ERAP1: variants seen among roughly 807,000 people sequenced by gnomAD.
ERAP1 encodes endoplasmic reticulum aminopeptidase 1, also known as adipocyte-derived leucine aminopeptidase.
Under a neutral mutation model 103.7 loss-of-function variants are expected in ERAP1, and 86 were observed. The observed-to-expected ratio is 0.83, with a 90% confidence interval of 0.70 to 0.99. The LOEUF (loss-of-function observed/expected upper bound fraction) is 0.99, where lower values mean the gene tolerates loss of function less well. ERAP1 is among the 50% of genes least tolerant of loss of function. The probability of loss-of-function intolerance (pLI) is 0.00; values close to 1 mark genes in which losing one functional copy is unlikely to be tolerated. For synonymous variants in ERAP1, 398 were observed against 402.4 expected, an observed-to-expected ratio of 0.99 and a Z score of 0.13; for missense variants, 1,009 against 1,128.4, an observed-to-expected ratio of 0.89 and a Z score of 1.52.
chr5:96,932,041 G>GT, the ERAP1 span, among the ~76,000 whole-genome samples: 4 of 152,012 alleles, frequency 2.6e-5, no homozygotes, highest in Non-Finnish European at 5.9e-5. Context: ...ATTTGGCTGC[G>GT]TTTTTTTGCT....
At chr5:96,770,660 T>A, downstream of ERAP1, 1 of 1,163,362 alleles carries the variant, frequency 8.6e-7, no homozygotes, top group Middle Eastern at 1.9e-4. Context: ...GAGTAGGGTT[T>A]ATCATTTCAG....
chr5:96,829,068 A>G, the ERAP1 span, among the ~76,000 whole-genome samples: 40,159 of 152,034 alleles, frequency 0.26, 6,185 homozygotes, highest in East Asian at 0.45. Flanking sequence ...GGATGGTCTC[A>G]ATCTCCTGAC....
chr5:96,854,089 CT>C, the ERAP1 span, among the ~76,000 whole-genome samples: 1 of 152,068 alleles, frequency 6.6e-6, no homozygotes, highest in African/African-American at 2.4e-5. Flanking sequence ...ATTGCCTTCC[CT>C]CCCAAATCTT....
In ERAP1 at chr5:96,783,204, A is replaced by G. The variant is rs138598123; in HGVS notation, c.2132T>C (p.Ile711Thr). Residue 711 changes from isoleucine to threonine, a missense_variant, in exon 15 of 19, where the codon ATT (isoleucine) becomes ACT (threonine). Physicochemically the swap from Ile to Thr is moderately conservative, Grantham distance 89 (BLOSUM62 -1). Coordinates refer to ENST00000443439, the MANE Select transcript of ERAP1 (RefSeq NM_001040458.3). ...CTCGTCTGTCCATGTCTGCTTATCA[A>G]TGAGGTCCCTTAGCAGCCTGATGAG... ...AFLIRLLRDL[I>T]DKQTWTDEGS... The G allele has an allele frequency of 8.4e-5, 136 of 1,613,216 alleles. No individual in the cohort carries two copies. The highest frequency in any genetic ancestry group is 2.0e-4 in the East Asian group (9 of 44,862).
At chr5:96,790,392 A>G in intron 9 of ERAP1, 25 bp from the exon 10 acceptor site, 2 of 1,611,490 alleles carry the variant, frequency 1.2e-6, no homozygotes, top group Non-Finnish European at 1.7e-6. Flanking sequence ...TAAACACATC[A>G]CTCTTATTTC....
chr5:96,867,694 A>G, the ERAP1 span, among the ~76,000 whole-genome samples: 2 of 152,226 alleles, frequency 1.3e-5, no homozygotes, highest in South Asian at 4.1e-4. Flanking sequence ...GAGAAGTAGT[A>G]GTTCCAAGAA....
At chr5:96,845,194 AT>A in the ERAP1 span, among the ~76,000 whole-genome samples, 1 of 151,994 alleles carries the variant, frequency 6.6e-6, no homozygotes, top group African/African-American at 2.4e-5. Flanking sequence ...AATTACAATC[AT>A]TTGTTCAAAC....
the ERAP1 span, among the ~76,000 whole-genome samples, chr5:96,898,418 A>T: frequency 6.6e-6 from 1 of 151,874 alleles, no homozygotes; most frequent in African/African-American, 2.4e-5. Flanking sequence ...AAATCCTGAG[A>T]CATATTCAAA....
chr5:96,785,193 G>A lies in ERAP1; in HGVS notation c.1943+595C>T, dbSNP rs535016353. 43 of 145,116 alleles carry A rather than the reference G, an allele frequency of 3.0e-4. No homozygotes were observed. In the South Asian group the frequency reaches 7.6e-3, roughly 26 times the overall value. The allele number at this position is 145,116 out of a possible 1,614,324, so 9.0% of individuals were successfully genotyped here. A position where few individuals can be genotyped will look rare whatever the true frequency, so the allele number is the denominator to read the frequency against. On this transcript the variant is annotated intron_variant, in intron 13 of 18. Coordinates refer to ENST00000443439, the MANE Select transcript of ERAP1 (RefSeq NM_001040458.3). Reference sequence around the variant, plus strand: ...GCATTTCCTTAAAAACCATTGTCATGGGGGAGGAAAAAAAAAGGGTAGTGT... The same window carrying A: ...GCATTTCCTTAAAAACCATTGTCATAGGGGAGGAAAAAAAAAGGGTAGTGT...
At chr5:96,782,103 C>T (rs562262218) in intron 15 of ERAP1, among the ~76,000 whole-genome samples, 10 of 151,612 alleles carry the variant, frequency 6.6e-5, no homozygotes, top group South Asian at 2.1e-4. Context: ...TCCGCCCTCC[C>T]GGGTTCACGC....
At chr5:96,788,710 C>T (rs1273751491) in intron 10 of ERAP1, 25 bp from the exon 11 acceptor site, 1 of 1,612,104 alleles carries the variant, frequency 6.2e-7, no homozygotes, top group Admixed American at 1.7e-5. Flanking sequence ...AAAAGGCAGA[C>T]ACATCACCCA....
the ERAP1 span, chr5:96,909,890 A>C: frequency 1.1e-6 from 1 of 917,016 alleles, no homozygotes; most frequent in South Asian, 1.8e-5. Flanking sequence ...GGGCATTACA[A>C]ACCCTGTTTC....
the ERAP1 span, among the ~76,000 whole-genome samples, chr5:96,852,061 A>G: frequency 2.8e-3 from 421 of 152,354 alleles, 2 homozygotes; most frequent in Non-Finnish European, 4.1e-3. Flanking sequence ...AAGCGTGGTA[A>G]TTAAGGCATT....
At chr5:96,924,507 GAAAC>G in the ERAP1 span, among the ~76,000 whole-genome samples, 1 of 151,836 alleles carries the variant, frequency 6.6e-6, no homozygotes, top group East Asian at 1.9e-4. Flanking sequence ...ATAGCTGTAA[GAAAC>G]AAACAAAAAG....
At chr5:96,928,552 T>G in the ERAP1 span, among the ~76,000 whole-genome samples, 10 of 152,136 alleles carry the variant, frequency 6.6e-5, no homozygotes, top group Non-Finnish European at 1.5e-4. Context: ...CTAGAACAGA[T>G]CCTTCCCTAG....
At chr5:96,929,347 C>T in the ERAP1 span, among the ~76,000 whole-genome samples, 1 of 152,212 alleles carries the variant, frequency 6.6e-6, no homozygotes, top group Non-Finnish European at 1.5e-5. Context: ...ACGGATTTGC[C>T]ATTGCTAACA....
intron 6 of ERAP1, 64 bp downstream of exon 6, chr5:96,793,739 T>C (rs1776994553): frequency 7.1e-7 from 1 of 1,412,552 alleles, no homozygotes; most frequent in East Asian, 2.4e-5. Context: ...AATAGCCTTA[T>C]ATGTCCCATA....
the ERAP1 span, among the ~76,000 whole-genome samples, chr5:96,923,584 T>C: frequency 1.3e-5 from 2 of 151,116 alleles, no homozygotes; most frequent in Admixed American, 6.6e-5. Flanking sequence ...GTCCCAGCTA[T>C]TTGGGAGGCT....
Position 96,800,890 on chromosome 5 carries a change from C to T in ERAP1, c.635G>A (p.Arg212Lys). 6.2e-7 allele frequency: 1 copy of T among 1,614,138 alleles called. No individual in the cohort carries two copies. Among genetic ancestry groups the T allele is most frequent in the Non-Finnish European group, 8.5e-7 (1 of 1,180,012 alleles). Residue 212 changes from arginine (R) to lysine (K), a missense_variant, in exon 3 of 19, where the codon AGG (arginine) becomes AAG (lysine). Coordinates refer to ENST00000443439, the MANE Select transcript of ERAP1 (RefSeq NM_001040458.3). ...SFSIKIRREP[R>K]HLAISNMPLV... ...TGGCATATTGGAGATGGCTAGGTGC[C>T]TTGGCTCTCTTCTAATTTTGATTGA...
Sources: allele counts gnomAD v4.1 joint callset (sites outside exome capture counted in the v4.1 genomes callset), GRCh38; gene constraint gnomAD v4.1.1; transcripts MANE v1.5; gene names NCBI Gene and HGNC (gene_info 2026-07-23, HGNC 2026-07-21).